Variants in FBXW8 observed in about 807,000 individuals in gnomAD.
FBXW8 encodes the protein F-box and WD repeat domain containing 8.
FBXW8 carries 57 observed loss-of-function variants against 65.3 expected under a neutral mutation model. The ratio of observed to expected loss-of-function variants is 0.87; its 90% confidence interval spans 0.71 to 1.09. The LOEUF is 1.09. Ranked by LOEUF, FBXW8 falls within the 50% of genes least tolerant of loss-of-function variation. The probability of loss-of-function intolerance (pLI) is 0.00; values close to 1 mark genes in which losing one functional copy is unlikely to be tolerated. For synonymous variants in FBXW8, 308 were observed against 330.2 expected, an observed-to-expected ratio of 0.93 and a Z score of 0.73; for missense variants, 777 against 814.8, an observed-to-expected ratio of 0.95 and a Z score of 0.57.
At chr12:117,005,982 C>CT (rs1331131632) in intron 7 of FBXW8, among the ~76,000 whole-genome samples, 1 of 152,168 alleles carries the variant, frequency 6.6e-6, no homozygotes, top group Non-Finnish European at 1.5e-5. Flanking sequence ...TGCCACTGCC[C>CT]TTTTTTAAAT....
At chr12:116,940,081 C>T (rs1284095467) in intron 2 of FBXW8, among the ~76,000 whole-genome samples, 2 of 152,162 alleles carry the variant, frequency 1.3e-5, no homozygotes, top group African/African-American at 4.8e-5. Flanking sequence ...TTTTCCTGAG[C>T]CCTTAAGGCT....
intron 4 of FBXW8, among the ~76,000 whole-genome samples, chr12:116,952,883 G>A (rs372403984): frequency 2.2e-4 from 34 of 152,176 alleles, no homozygotes; most frequent in East Asian, 9.7e-4. Context: ...GACTACGGGC[G>A]TGTGCCACCA....
chr12:117,011,130 T>G (rs1953798890), intron 8 of FBXW8, among the ~76,000 whole-genome samples: 1 of 144,692 alleles, frequency 6.9e-6, no homozygotes. Flanking sequence ...TCTTTTCCTT[T>G]TTTTTTTTTT....
rs943512246 is a variant in FBXW8 at position 117,030,999 on chromosome 12, C to G, written c.*2827C>G. 3.3e-5 allele frequency: 5 copies of G among 152,194 alleles called. No individual in the cohort carries two copies. Among genetic ancestry groups the G allele is most frequent in the African/African-American group, 1.2e-4 (5 of 41,448 alleles). 9.4% of individuals were successfully genotyped at this position (152,194 alleles called of 1,614,324 possible). ...TCAGGGACGCCTCCATCCCCGGCTC[C>G]CCTAAAGGTAGAAGATACTCGAGCA... On this transcript the variant is annotated 3_prime_UTR_variant, in exon 11 of 11. Transcript: ENST00000652555.
At chr12:117,012,323 A>G (rs1953842070) in intron 8 of FBXW8, among the ~76,000 whole-genome samples, 1 of 152,154 alleles carries the variant, frequency 6.6e-6, no homozygotes, top group South Asian at 2.1e-4. Context: ...CTGTGGATGA[A>G]AAGAACAGAC....
At chr12:116,978,062 C>CA (rs1249122796) in intron 5 of FBXW8, 2 of 152,246 alleles carry the variant, frequency 1.3e-5, no homozygotes, top group Non-Finnish European at 2.9e-5. Context: ...TTTTACTTGT[C>CA]AATCTAAAAT....
chr12:117,000,892 C>T (rs969700711), intron 7 of FBXW8, among the ~76,000 whole-genome samples: 1 of 152,218 alleles, frequency 6.6e-6, no homozygotes, highest in Non-Finnish European at 1.5e-5. Context: ...GTGATATGGT[C>T]ACAAAGTGGC....
At chr12:117,011,127 C>CTTTTT (rs397946872) in intron 8 of FBXW8, among the ~76,000 whole-genome samples, 8,827 of 121,730 alleles carry the variant, frequency 0.073, 1,262 homozygotes, top group African/African-American at 0.24. Context: ...TTTTCTTTTC[C>CTTTTT]TTTTTTTTTT....
chr12:117,028,058 T>C lies in FBXW8; in HGVS notation c.1683T>C (p.Phe561=). Residue 561 remains phenylalanine (F), a synonymous_variant, in exon 11 of 11, where the codon TTT becomes TTC. Transcript: ENST00000652555. This position sits in a 1 kb window ranked among gnomAD's most constrained non-coding sequence, Gnocchi z 4.1. ...RHRGLIRAYE[F]AVDQLAFQSP... is the part of the protein sequence containing the mutation. ...GGGGGCTGATCCGCGCCTATGAGTT[T>C]GCGGTGGACCAGCTGGCCTTCCAGA... 6.2e-7 allele frequency: 1 copy of C among 1,614,102 alleles called. No individual in the cohort carries two copies. The highest frequency in any genetic ancestry group is 1.7e-5 in the Admixed American group (1 of 60,026).
At chr12:117,010,603 A>G (rs1953783554) in intron 8 of FBXW8, among the ~76,000 whole-genome samples, 153 bp downstream of exon 8, 1 of 152,256 alleles carries the variant, frequency 6.6e-6, no homozygotes, top group Admixed American at 6.5e-5. Context: ...CTCAGAGAAC[A>G]AAGTCCTGTA....
intron 4 of FBXW8, among the ~76,000 whole-genome samples, chr12:116,956,838 C>T (rs1453368383): frequency 3.3e-5 from 5 of 151,954 alleles, no homozygotes; most frequent in African/African-American, 4.8e-5. Flanking sequence ...CATGGTGACA[C>T]GTGCCTGTAA....
rs577599488 is a variant in FBXW8 at position 117,027,573 on chromosome 12, C to A, written c.1652+69C>A. On this transcript the variant is annotated intron_variant, in intron 10 of 10. Transcript: ENST00000652555. ...CTGATGTATAGAACCCCACCCCCCC[C>A]GCCGTGACACATTGCACCCTATGGG... is the stretch of plus-strand genomic sequence containing the variant. The A allele has an allele frequency of 2.9e-5, 34 of 1,183,572 alleles. No homozygotes were observed. In the East Asian group the frequency reaches 4.3e-4, roughly 15 times the overall value. The allele number at this position is 1,183,572 out of a possible 1,614,324, so 73.3% of individuals were successfully genotyped here.
chr12:116,981,857 G>A (rs530519806), intron 5 of FBXW8, among the ~76,000 whole-genome samples: 1 of 152,090 alleles, frequency 6.6e-6, no homozygotes, highest in African/African-American at 2.4e-5. Context: ...CAAGTGATAC[G>A]CCCACCGCAG....
chr12:117,018,197 TA>T (rs1954005622), intron 8 of FBXW8, among the ~76,000 whole-genome samples: 1 of 152,174 alleles, frequency 6.6e-6, no homozygotes, highest in African/African-American at 2.4e-5. Flanking sequence ...TGATTTTCAT[TA>T]GAGAGGGGCT....
In FBXW8 at chr12:116,936,815, A is replaced by C. The variant is rs771745608; in HGVS notation, c.424-8549A>C. Among the ~76,000 whole-genome samples, 13 of 152,168 alleles carry C rather than the reference A, an allele frequency of 8.5e-5. No individual in the cohort carries two copies. Among genetic ancestry groups the C allele is most frequent in the Non-Finnish European group, 1.6e-4 (11 of 68,018 alleles). On this transcript the variant is annotated intron_variant, in intron 2 of 10. Transcript: ENST00000652555. The surrounding 1 kb of genome is among the most constrained non-coding windows in gnomAD (Gnocchi z 4.6). ...GAAGGATAAGAGGAGGAGAGGACTC[A>C]GGATGTGATAAGCGTTTAATCCATT...
At chr12:116,950,756 A>T (rs1188916470) in intron 4 of FBXW8, 3 of 152,212 alleles carry the variant, frequency 2.0e-5, no homozygotes, top group Non-Finnish European at 4.4e-5. Flanking sequence ...TAGTTTTAGA[A>T]AGGTTGATGG....
intron 4 of FBXW8, among the ~76,000 whole-genome samples, chr12:116,953,215 T>G (rs191964817): frequency 5.9e-5 from 9 of 152,328 alleles, no homozygotes; most frequent in Admixed American, 5.9e-4. Context: ...TTCTTAGTTT[T>G]CTCAGTTTAG....
chr12:116,939,480 C>A (rs945960155), intron 2 of FBXW8, among the ~76,000 whole-genome samples: 4 of 152,158 alleles, frequency 2.6e-5, no homozygotes, highest in Non-Finnish European at 5.9e-5. Flanking sequence ...GCGTGGAATC[C>A]TTTTCTAAGG....
At position 116,952,762 on chromosome 12, in the gene FBXW8, C is replaced by T. The variant is rs560451677; in HGVS notation, c.677+3056C>T. ...TTTAAATTTTTATTGTTTTGAGACA[C>T]AGTCTCACTCTGTCGCCCAGGCTGG... On this transcript the variant is annotated intron_variant, in intron 4 of 10. Coordinates refer to ENST00000652555, the MANE Select transcript of FBXW8 (RefSeq NM_153348.3). Among the ~76,000 whole-genome samples the T allele has an allele frequency of 7.9e-5, 12 of 152,252 alleles. No individual in the cohort carries two copies. In the East Asian group the frequency reaches 1.9e-3, roughly 25 times the overall value.
Sources: allele counts gnomAD v4.1 joint callset (sites outside exome capture counted in the v4.1 genomes callset), GRCh38; gene constraint gnomAD v4.1.1; non-coding constraint Gnocchi (gnomAD v3.1); transcripts MANE v1.5; gene names NCBI Gene and HGNC (gene_info 2026-07-23, HGNC 2026-07-21).